The following SLC2A2 variants were observed in gnomAD, a reference collection of about 807,000 sequenced individuals.
The protein encoded by SLC2A2 is solute carrier family 2 member 2, also known as solute carrier family 2, facilitated glucose transporter member 2.
In SLC2A2, 36 loss-of-function variants were observed where a neutral mutation model predicts 54.5. The observed-to-expected ratio is 0.66, with a 90% CI of 0.51 to 0.87. The LOEUF (loss-of-function observed/expected upper bound fraction) is 0.87. Ranked by LOEUF, SLC2A2 falls within the 40% of genes least tolerant of loss-of-function variation. The pLI, the probability that SLC2A2 is intolerant of heterozygous loss-of-function variation, is 0.00. For missense variants in SLC2A2, 543 were observed against 624.3 expected (o/e 0.87, Z 1.39); for synonymous variants, 223 against 219.1 (o/e 1.02, Z -0.16).
In SLC2A2 at chr3:171,009,912, GGTGT is replaced by G. The variant is rs71176588; in HGVS notation, c.496+42_496+45del. 12,287 of 1,293,302 alleles carry G rather than the reference GGTGT, an allele frequency of 9.5e-3. 9 individuals carry two copies. The highest frequency in any genetic ancestry group is 0.02 in the East Asian group (711 of 34,828). 80.1% of individuals were successfully genotyped at this position (1,293,302 alleles called of 1,614,324 possible). A position where few individuals can be genotyped will look rare whatever the true frequency, so the allele number is the denominator to read the frequency against. ...TTAGAGTTACTTTCAGACAAAGGTA[GGTGT>G]GTGTGTGTGTGTGTGTGTGTGTGTG... On this transcript the variant is annotated intron_variant, in intron 4 of 10. Transcript: ENST00000314251.
At chr3:171,019,428 T>C (rs1417268210) in intron 1 of SLC2A2, among the ~76,000 whole-genome samples, 2 of 152,028 alleles carry the variant, frequency 1.3e-5, no homozygotes, top group Non-Finnish European at 2.9e-5. Flanking sequence ...ATAAGGGCCA[T>C]TATTTTCTCC....
At chr3:171,004,000 T>G (rs1715467414) in intron 7 of SLC2A2, among the ~76,000 whole-genome samples, 1 of 152,062 alleles carries the variant, frequency 6.6e-6, no homozygotes, top group Non-Finnish European at 1.5e-5. Context: ...TAGTTATGTT[T>G]ATATATTTAT....
At chr3:171,008,183 T>C (rs1158674275) in intron 4 of SLC2A2, among the ~76,000 whole-genome samples, 1 of 152,118 alleles carries the variant, frequency 6.6e-6, no homozygotes, top group East Asian at 1.9e-4. Context: ...AAATGGATGA[T>C]CTTTGTGTAA....
chr3:171,000,954 A>C (rs940282922), intron 8 of SLC2A2, among the ~76,000 whole-genome samples: 1 of 152,044 alleles, frequency 6.6e-6, no homozygotes, highest in Admixed American at 6.6e-5. Context: ...TAAAAATTTT[A>C]AATGTGATCT....
intron 1 of SLC2A2, among the ~76,000 whole-genome samples, chr3:171,024,683 A>G (rs1043341721): frequency 3.3e-5 from 5 of 152,192 alleles, no homozygotes; most frequent in African/African-American, 1.2e-4. Flanking sequence ...TCCATTCTTC[A>G]GTTGTAGAAA....
At chr3:171,009,846 C>T in intron 4 of SLC2A2, 112 bp downstream of exon 4, 1 of 1,447,450 alleles carries the variant, frequency 6.9e-7, no homozygotes, top group Non-Finnish European at 9.3e-7. Context: ...GTGATGTCAC[C>T]CTAGACTCAA....
At chr3:171,022,931 A>G (rs1716528489) in intron 1 of SLC2A2, among the ~76,000 whole-genome samples, 1 of 152,226 alleles carries the variant, frequency 6.6e-6, no homozygotes, top group African/African-American at 2.4e-5. Flanking sequence ...ATTTTTAAAG[A>G]TGCTGGATCT....
At chr3:171,009,618 T>G (rs1715779170) in intron 4 of SLC2A2, among the ~76,000 whole-genome samples, 1 of 152,104 alleles carries the variant, frequency 6.6e-6, no homozygotes, top group African/African-American at 2.4e-5. Context: ...ACGTTTTACA[T>G]ATGTTCTCAC....
At position 171,009,655 on chromosome 3, in the gene SLC2A2, A is replaced by G. The variant is rs761348483; in HGVS notation, c.496+303T>C. Among the ~76,000 whole-genome samples, 142 of 152,204 alleles carry G rather than the reference A, an allele frequency of 9.3e-4. 1 individual carries two copies. Among genetic ancestry groups the G allele is most frequent in the Non-Finnish European group, 1.7e-3 (117 of 67,988 alleles). ...ATCACCCTATAAGGTAGATATTATT[A>G]TCCACTTCATTTAATAAATGAAGCA... is the stretch of plus-strand genomic sequence containing the variant. On this transcript the variant is annotated intron_variant, in intron 4 of 10. Coordinates refer to ENST00000314251, the MANE Select transcript of SLC2A2 (RefSeq NM_000340.2).
At chr3:171,026,363 G>GC (rs1166609318) in intron 1 of SLC2A2, among the ~76,000 whole-genome samples, 54 of 132,118 alleles carry the variant, frequency 4.1e-4, no homozygotes, top group Middle Eastern at 7.8e-3. Flanking sequence ...AGGTCAATCT[G>GC]CCCCCTTTTT....
intron 5 of SLC2A2, among the ~76,000 whole-genome samples, chr3:171,006,748 A>G (rs1468702999): frequency 6.6e-6 from 1 of 152,020 alleles, no homozygotes; most frequent in African/African-American, 2.4e-5. Context: ...TTAGATTCCC[A>G]AGTAAGATGT....
chr3:171,010,104 A>G (rs1715816263), intron 3 of SLC2A2, 22 bp from the exon 4 acceptor site: 2 of 1,610,528 alleles, frequency 1.2e-6, no homozygotes, highest in African/African-American at 1.3e-5. Context: ...AAAAGCAAGG[A>G]ATATAAATTC....
chr3:171,018,541 G>T lies in SLC2A2; in HGVS notation c.98C>A (p.Ala33Glu). Reference sequence around the variant, plus strand: ...ACATATTTCACTTGCCTGTTGAGGTGCATTGATCACACCAATGTCATATCC... The same window carrying T: ...ACATATTTCACTTGCCTGTTGAGGTTCATTGATCACACCAATGTCATATCC... ...QFGYDIGVIN[A>E]PQQVIISHYR... Residue 33 changes from alanine to glutamate, a missense_variant, in exon 2 of 11, where the codon GCA (alanine) becomes GAA (glutamate). Ala to Glu is a moderately radical substitution (Grantham distance 107, BLOSUM62 -1). Transcript: ENST00000314251. The T allele has an allele frequency of 6.2e-7, 1 of 1,606,370 alleles. No individual in the cohort carries two copies. Among genetic ancestry groups the T allele is most frequent in the Non-Finnish European group, 8.5e-7 (1 of 1,172,908 alleles).
chr3:171,004,507 A>G (rs551264876), intron 7 of SLC2A2, among the ~76,000 whole-genome samples: 1 of 152,006 alleles, frequency 6.6e-6, no homozygotes, highest in East Asian at 1.9e-4. Context: ...TCACCCACAA[A>G]GTGTCCCATG....
In SLC2A2 at chr3:170,997,653, C is replaced by T. The variant is rs964788022; in HGVS notation, c.*250G>A. ...AAGAACAGAGCTAAAAATATTAGAACCACCTGCCCTTTAGTGTAACAAAAT... is the reference window on the plus strand; with the variant it reads ...AAGAACAGAGCTAAAAATATTAGAATCACCTGCCCTTTAGTGTAACAAAAT... On this transcript the variant is annotated 3_prime_UTR_variant, in exon 11 of 11. Coordinates refer to ENST00000314251, the MANE Select transcript of SLC2A2 (RefSeq NM_000340.2). 6.5e-6 allele frequency: 3 copies of T among 460,044 alleles called. No homozygotes were observed. Among genetic ancestry groups the T allele is most frequent in the African/African-American group, 6.0e-5 (3 of 50,256 alleles). 28.5% of individuals were successfully genotyped at this position (460,044 alleles called of 1,614,324 possible). A position where few individuals can be genotyped will look rare whatever the true frequency, so the allele number is the denominator to read the frequency against.
At position 171,015,147 on chromosome 3, in the gene SLC2A2, A is replaced by T. The variant is rs191536948; in HGVS notation, c.109-416T>A. Among the ~76,000 whole-genome samples the T allele has an allele frequency of 1.0e-3, 152 of 152,310 alleles. 1 individual carries two copies. Among genetic ancestry groups the T allele is most frequent in the South Asian group, 6.6e-3 (32 of 4,824 alleles). On this transcript the variant is annotated intron_variant, in intron 2 of 10. Coordinates refer to ENST00000314251, the MANE Select transcript of SLC2A2 (RefSeq NM_000340.2). ...TTATGTAAATTTTTTCGAGTTTTAA[A>T]TATTGGCAACTATTGAAATTGAAAC...
intron 5 of SLC2A2, among the ~76,000 whole-genome samples, chr3:171,006,660 G>A (rs982729064): frequency 6.6e-6 from 1 of 152,026 alleles, no homozygotes; most frequent in Non-Finnish European, 1.5e-5. Flanking sequence ...TGGGGTCCCA[G>A]ACTCCCTTTG....
In SLC2A2 at chr3:171,018,536, G is replaced by A. The variant is rs774841662; in HGVS notation, c.103C>T (p.Gln35Ter). The change falls in exon 2 of 11, where the codon CAA becomes TAA. Residue 35 changes from glutamine to a stop codon, truncating the protein, a stop_gained. Coordinates refer to ENST00000314251, the MANE Select transcript of SLC2A2 (RefSeq NM_000340.2). LOFTEE classifies it high-confidence loss of function. ...GYDIGVINAPQQVIISHYRHV... is the reference protein window; with the variant it reads ...GYDIGVINAP ...CTTCTACATATTTCACTTGCCTGTT[G>A]AGGTGCATTGATCACACCAATGTCA... The A allele has an allele frequency of 6.2e-7, 1 of 1,605,030 alleles. No individual in the cohort carries two copies. The highest frequency in any genetic ancestry group is 8.5e-7 in the Non-Finnish European group (1 of 1,171,682).
intron 1 of SLC2A2, among the ~76,000 whole-genome samples, chr3:171,024,799 TTATCCTACTTCTTTCAAAGTCTGGA>T (rs1716610244): frequency 1.3e-5 from 2 of 152,210 alleles, no homozygotes; most frequent in African/African-American, 4.8e-5. Flanking sequence ...AGTTCCTTGC[TTATCCTACTTCTTTCAAAGTCTGGA>T]TAGATTCACA....
Sources: allele counts gnomAD v4.1 joint callset (sites outside exome capture counted in the v4.1 genomes callset), GRCh38; gene constraint gnomAD v4.1.1; transcripts MANE v1.5; gene names NCBI Gene and HGNC (gene_info 2026-07-23, HGNC 2026-07-21).